Variants in ABTB1 observed in about 807,000 individuals in gnomAD.
ABTB1 encodes the protein ankyrin repeat and BTB domain containing 1, also known as ankyrin repeat and BTB/POZ domain-containing protein 1.
A neutral mutation model predicts 57.1 loss-of-function variants in ABTB1; 45 were observed. That is an observed-to-expected ratio of 0.79 (90% CI 0.62 to 1.01). The LOEUF (loss-of-function observed/expected upper bound fraction) is 1.01, where lower values mean the gene tolerates loss of function less well. ABTB1 is among the 50% of genes least tolerant of loss of function. The probability of loss-of-function intolerance (pLI) is 0.00; values close to 1 mark genes in which losing one functional copy is unlikely to be tolerated. For synonymous variants in ABTB1, 302 were observed against 275.4 expected, an observed-to-expected ratio of 1.10 and a Z score of -0.95; for missense variants, 630 against 666.3, an observed-to-expected ratio of 0.95 and a Z score of 0.60.
chr3:127,680,089 G>A lies in ABTB1; in HGVS notation c.1134G>A (p.Glu378=), dbSNP rs779709636. 2.1e-5 allele frequency: 34 copies of A among 1,613,778 alleles called. No homozygotes were observed. The highest frequency in any genetic ancestry group is 2.8e-5 in the Non-Finnish European group (33 of 1,180,044). ...CGRSLAQMLD[E]DTVVGVWRVA... Reference sequence around the variant, plus strand: ...GCAGCCTGGCTCAGATGCTAGACGAGGACACTGTGGTGGGTGTGTGGCGCG... The same window carrying A: ...GCAGCCTGGCTCAGATGCTAGACGAAGACACTGTGGTGGGTGTGTGGCGCG... The change falls in exon 11 of 12, where the codon GAG becomes GAA. Residue 378 remains glutamate, a synonymous_variant. Transcript: ENST00000232744.
chr3:127,674,222 C>A (rs910949236), intron 1 of ABTB1, 169 bp from the exon 2 acceptor site: 3 of 758,068 alleles, frequency 4.0e-6, no homozygotes, highest in East Asian at 2.7e-5. Context: ...TCCTTGCCTG[C>A]ACTTTGCCTT....
At position 127,677,628 on chromosome 3, in the gene ABTB1, A is replaced by G. The variant is rs375781005; in HGVS notation, c.862-48A>G. On this transcript the variant is annotated intron_variant, in intron 9 of 11. Transcript: ENST00000232744. ...GCCCTGAGCCCCCGTCTAGCTCCTC[A>G]GGAGACAGACCCTGGCCCTCACACT... 9.9e-6 allele frequency: 16 copies of G among 1,612,984 alleles called. No individual in the cohort carries two copies. In the East Asian group the frequency reaches 2.7e-4, roughly 27 times the overall value.
chr3:127,677,995 G>A, intron 10 of ABTB1, 152 bp downstream of exon 10: 1 of 1,046,084 alleles, frequency 9.6e-7, no homozygotes, highest in Non-Finnish European at 1.3e-6. Context: ...TGGGACTTTG[G>A]ATTTTTCTTT....
chr3:127,676,485 G>A lies in ABTB1; in HGVS notation c.481-51G>A. 1.9e-6 allele frequency: 3 copies of A among 1,614,148 alleles called. No homozygotes were observed. The highest frequency in any genetic ancestry group is 2.5e-6 in the Non-Finnish European group (3 of 1,179,996). On this transcript the variant is annotated intron_variant, in intron 5 of 11. Coordinates refer to ENST00000232744, the MANE Select transcript of ABTB1 (RefSeq NM_172027.3). This position sits in a 1 kb window ranked among gnomAD's most constrained non-coding sequence, Gnocchi z 5.4. ...ATGAACTGTCCAGGAACAGCAGGAG[G>A]TTGTGCTGGGTGGCTGCCTCTGACA...
chr3:127,674,545 G>T lies in ABTB1; in HGVS notation c.120G>T (p.Leu40Phe), dbSNP rs1341409428. The change falls in exon 3 of 12, where the codon TTG becomes TTT. Residue 40 changes from leucine (L) to phenylalanine (F), a missense_variant and splice_region_variant. Physicochemically the swap from Leu to Phe is conservative, Grantham distance 22. This residue lies in a region of ABTB1 where 579 missense variants were observed against 585.9 expected (regional missense o/e 0.99). Coordinates refer to ENST00000232744, the MANE Select transcript of ABTB1 (RefSeq NM_172027.3). ...TCCTGTACTTCCTTCCTCCCTTCAG[G>T]TACTATGCCTGCTTGTGTGGGCACG... ...NVRDKWDSTP[L>F]YYACLCGHEE... 20 of 1,614,122 alleles carry T rather than the reference G, an allele frequency of 1.2e-5. No homozygotes were observed. Among genetic ancestry groups the T allele is most frequent in the Non-Finnish European group, 1.6e-5 (19 of 1,180,020 alleles).
intron 10 of ABTB1, chr3:127,679,725 G>T: frequency 1.7e-6 from 1 of 585,170 alleles, no homozygotes; most frequent in Non-Finnish European, 3.2e-6. Flanking sequence ...CGAGGGCCCT[G>T]CCTCCCGCCT....
chr3:127,675,248 C>A (rs2074950290), intron 3 of ABTB1, among the ~76,000 whole-genome samples: 1 of 151,308 alleles, frequency 6.6e-6, no homozygotes, highest in African/African-American at 2.4e-5. Flanking sequence ...CATTCTTCTT[C>A]CTATTTTGGT....
chr3:127,675,940 C>T, intron 3 of ABTB1, 30 bp from the exon 4 acceptor site: 1 of 1,592,236 alleles, frequency 6.3e-7, no homozygotes, highest in Non-Finnish European at 8.6e-7. Flanking sequence ...GGCCCCTTCC[C>T]TGCTAACTGG....
rs537267157 is a variant in ABTB1, at chr3:127,680,513, T to C, written c.*38T>C. On this transcript the variant is annotated 3_prime_UTR_variant, in exon 12 of 12. Coordinates refer to ENST00000232744, the MANE Select transcript of ABTB1 (RefSeq NM_172027.3). ...GCAGCCCCAGGGGCCAGGAGCTCTCTTGGAGACAAGCATGTGTATGCGTTT... is the reference window on the plus strand; with the variant it reads ...GCAGCCCCAGGGGCCAGGAGCTCTCCTGGAGACAAGCATGTGTATGCGTTT... 2 of 1,593,160 alleles carry C rather than the reference T, an allele frequency of 1.3e-6. No homozygotes were observed. Among genetic ancestry groups the C allele is most frequent in the Admixed American group, 3.4e-5 (2 of 59,056 alleles).
At chr3:127,679,508 T>C (rs2075071864) in intron 10 of ABTB1, 5 of 457,018 alleles carry the variant, frequency 1.1e-5, no homozygotes, top group Non-Finnish European at 1.3e-5. Flanking sequence ...GTAGATAGTC[T>C]CCCACCCCTG....
rs1002175060 is a variant in ABTB1 at position 127,673,190 on chromosome 3, G to A, written c.56+109G>A. On this transcript the variant is annotated intron_variant, in intron 1 of 11. Transcript: ENST00000232744. ...CCGCGGAGAGGCGGGCGCCTCTGCC[G>A]GGTCACAGCCCTCGGAGCGCCCCCG... The A allele has an allele frequency of 1.7e-5, 20 of 1,212,098 alleles. No individual in the cohort carries two copies. In the East Asian group the frequency reaches 6.6e-4, roughly 40 times the overall value. The allele number at this position is 1,212,098 out of a possible 1,614,324, so 75.1% of individuals were successfully genotyped here. A position where few individuals can be genotyped will look rare whatever the true frequency, so the allele number is the denominator to read the frequency against.
At chr3:127,677,372 T>C (rs1576447857) in intron 8 of ABTB1, 86 bp downstream of exon 8, 1 of 1,566,906 alleles carries the variant, frequency 6.4e-7, no homozygotes, top group African/African-American at 1.4e-5. Flanking sequence ...CAATTCCTTG[T>C]GTGGTCCTGG....
At chr3:127,674,282 A>C (rs1042010080) in intron 1 of ABTB1, 109 bp from the exon 2 acceptor site, 12 of 1,423,776 alleles carry the variant, frequency 8.4e-6, no homozygotes, top group Non-Finnish European at 1.2e-5. Flanking sequence ...CACCTGGGGG[A>C]GGCTTCCCCA....
In ABTB1 at chr3:127,680,777, C is replaced by T. The variant is rs749198335; in HGVS notation, c.*302C>T. The T allele has an allele frequency of 9.9e-5, 66 of 663,692 alleles. No individual in the cohort carries two copies. The highest frequency in any genetic ancestry group is 1.4e-4 in the Non-Finnish European group (53 of 372,502). 41.1% of individuals were successfully genotyped at this position (663,692 alleles called of 1,614,324 possible). ...TAGCACTTTCCTTCTCCAGATCCCC[C>T]CTACCCACCCCAGTCCCAAATCCAG... On this transcript the variant is annotated 3_prime_UTR_variant, in exon 12 of 12. Transcript: ENST00000232744.
Position 127,676,966 on chromosome 3 carries a change from GGCC to G in ABTB1, c.530_532del (p.Arg177del). 6.2e-7 allele frequency: 1 copy of G among 1,613,214 alleles called. No homozygotes were observed. On this transcript the variant is annotated inframe_deletion and splice_region_variant, in exon 7 of 12. Coordinates refer to ENST00000232744, the MANE Select transcript of ABTB1 (RefSeq NM_172027.3). This position sits in a 1 kb window ranked among gnomAD's most constrained non-coding sequence, Gnocchi z 5.4. The stretch of plus-strand genomic sequence containing the variant: ...GCCCTCATCCTCCCCACTGCCCCCA[GGCC>G]GCCTGGACATTGGCGTAGAGCATGT...
chr3:127,680,673 C>T lies in ABTB1; in HGVS notation c.*198C>T. 2 of 757,934 alleles carry T rather than the reference C, an allele frequency of 2.6e-6. No individual in the cohort carries two copies. Among genetic ancestry groups the T allele is most frequent in the Non-Finnish European group, 2.3e-6 (1 of 439,290 alleles). The allele number at this position is 757,934 out of a possible 1,614,324, so 47.0% of individuals were successfully genotyped here. A position where few individuals can be genotyped will look rare whatever the true frequency, so the allele number is the denominator to read the frequency against. ...TCCATTTGGGATGAGCCCCCTCCCC[C>T]CAATGCACAAGCCAGCCCCCAAGAC... On this transcript the variant is annotated 3_prime_UTR_variant, in exon 12 of 12. Coordinates refer to ENST00000232744, the MANE Select transcript of ABTB1 (RefSeq NM_172027.3).
intron 10 of ABTB1, chr3:127,679,672 A>C: frequency 1.8e-6 from 1 of 541,798 alleles, no homozygotes; most frequent in East Asian, 4.5e-5. Flanking sequence ...TAGAAGTGTC[A>C]GACCCAGGTC....
chr3:127,679,507 C>T lies in ABTB1; in HGVS notation c.1030-478C>T, dbSNP rs1284959928. ...GAGAGGGAGGGAGCTGGTAGATAGT[C>T]TCCCACCCCTGGCAGAGTCCCTGCA... On this transcript the variant is annotated intron_variant, in intron 10 of 11. Transcript: ENST00000232744. The T allele has an allele frequency of 6.6e-6, 3 of 456,964 alleles. No homozygotes were observed. The Admixed American group carries it at 7.0e-5, about 11-fold the overall frequency. The allele number at this position is 456,964 out of a possible 1,614,324, so 28.3% of individuals were successfully genotyped here.
intron 3 of ABTB1, 191 bp from the exon 4 acceptor site, chr3:127,675,779 C>T: frequency 1.5e-6 from 1 of 671,216 alleles, no homozygotes; most frequent in South Asian, 1.9e-5. Context: ...TGTGTGAGTG[C>T]ACACAGACGT....
Sources: gnomAD v4.1 joint callset for allele counts (sites outside exome capture counted in the v4.1 genomes callset) on GRCh38, gnomAD v4.1.1 for gene constraint, gnomAD v4.1.1 regional missense constraint, Gnocchi (gnomAD v3.1) non-coding constraint, MANE v1.5 for transcripts, NCBI Gene and HGNC (gene_info 2026-07-23, HGNC 2026-07-21) for gene names.